Variants in RALYL observed in about 807,000 individuals in gnomAD.
The protein encoded by RALYL is RNA-binding Raly-like protein.
RALYL carries 29 observed loss-of-function variants against 35.1 expected under a neutral mutation model. That is an observed-to-expected ratio of 0.83 (90% CI 0.61 to 1.13). The LOEUF is 1.13. Ranked by LOEUF, RALYL falls within the 50% of genes most tolerant of loss-of-function variation. The pLI, the probability that RALYL is intolerant of heterozygous loss-of-function variation, is 0.00. For missense variants in RALYL, 359 were observed against 360.4 expected, an observed-to-expected ratio of 1.00 and a Z score of 0.03; for synonymous variants, 120 against 127.6, an observed-to-expected ratio of 0.94 and a Z score of 0.40.
intron 1 of RALYL, among the ~76,000 whole-genome samples, chr8:84,433,889 T>C (rs1437876171): frequency 6.6e-6 from 1 of 151,758 alleles, no homozygotes; most frequent in Non-Finnish European, 1.5e-5. Context: ...TTTGAAAATA[T>C]ATATATTCAA....
intron 4 of RALYL, among the ~76,000 whole-genome samples, chr8:84,833,997 C>T (rs1831455245): frequency 6.6e-6 from 1 of 152,010 alleles, no homozygotes; most frequent in Non-Finnish European, 1.5e-5. Flanking sequence ...AAAAGCTAGT[C>T]TCCACCATAA....
intron 1 of RALYL, among the ~76,000 whole-genome samples, chr8:84,445,910 TA>T (rs1460033609): frequency 6.6e-6 from 1 of 151,530 alleles, no homozygotes; most frequent in Non-Finnish European, 1.5e-5. Flanking sequence ...TCTACTTTTT[TA>T]AAAGGAGGCC....
rs1811099803 is a variant in RALYL at position 84,582,674 on chromosome 8, T to C, written c.256+53097T>C. 1.3e-5 allele frequency among the ~76,000 whole-genome samples: 2 copies of C among 152,036 alleles called. 1 individual carries two copies. Among genetic ancestry groups the C allele is most frequent in the South Asian group, 4.1e-4 (2 of 4,830 alleles). ...GAAAGTCTAGATGAAGCAAAGCTGT[T>C]AGAAAGCATCACTGAGCTAAGTTAG... is the stretch of plus-strand genomic sequence containing the variant. On this transcript the variant is annotated intron_variant, in intron 2 of 8. Coordinates refer to ENST00000521268, the MANE Select transcript of RALYL (RefSeq NM_173848.7).
At chr8:84,423,208 A>T (rs1378829447) in intron 1 of RALYL, among the ~76,000 whole-genome samples, 2 of 151,426 alleles carry the variant, frequency 1.3e-5, no homozygotes, top group Non-Finnish European at 2.9e-5. Context: ...GTCACTCAGG[A>T]CTTGCTTTAT....
At chr8:84,564,216 C>T (rs1410834389) in intron 2 of RALYL, among the ~76,000 whole-genome samples, 1 of 151,614 alleles carries the variant, frequency 6.6e-6, no homozygotes, top group Non-Finnish European at 1.5e-5. Context: ...CATAAGTTTC[C>T]TCCTGTAGGT....
At chr8:84,191,260 C>T (rs1813811758) in intron 1 of RALYL, among the ~76,000 whole-genome samples, 1 of 151,334 alleles carries the variant, frequency 6.6e-6, no homozygotes, top group Non-Finnish European at 1.5e-5. Context: ...GAAGTTTTTC[C>T]TGAAACTAGC....
At chr8:84,663,824 G>T (rs1013824337) in intron 2 of RALYL, among the ~76,000 whole-genome samples, 3 of 152,012 alleles carry the variant, frequency 2.0e-5, no homozygotes, top group African/African-American at 7.2e-5. Flanking sequence ...AGTTTAATTA[G>T]CTCCCATTTT....
intron 1 of RALYL, among the ~76,000 whole-genome samples, chr8:84,280,591 A>T (rs1257641986): frequency 6.6e-6 from 1 of 151,842 alleles, no homozygotes; most frequent in African/African-American, 2.4e-5. Context: ...CCACACACAG[A>T]GTACATCACC....
chr8:84,232,875 G>C (rs929656192), intron 1 of RALYL, among the ~76,000 whole-genome samples: 1 of 151,986 alleles, frequency 6.6e-6, no homozygotes, highest in African/African-American at 2.4e-5. Context: ...TAATAAAACA[G>C]CCATTAAAAG....
intron 1 of RALYL, among the ~76,000 whole-genome samples, chr8:84,340,593 G>A (rs1470627098): frequency 6.6e-6 from 1 of 152,040 alleles, no homozygotes; most frequent in Non-Finnish European, 1.5e-5. Context: ...GTTCATCCAT[G>A]TCATCACATT....
At chr8:84,325,359 C>T (rs1369042920) in intron 1 of RALYL, among the ~76,000 whole-genome samples, 1 of 152,150 alleles carries the variant, frequency 6.6e-6, no homozygotes, top group Non-Finnish European at 1.5e-5. Context: ...CTCCTAACAC[C>T]CTCTGCTATG....
intron 1 of RALYL, among the ~76,000 whole-genome samples, chr8:84,301,059 C>T (rs978956218): frequency 6.6e-6 from 1 of 151,958 alleles, no homozygotes; most frequent in Non-Finnish European, 1.5e-5. Flanking sequence ...TAAGGTACCT[C>T]TTATGAGGCA....
intron 2 of RALYL, among the ~76,000 whole-genome samples, chr8:84,623,715 G>C (rs1465479484): frequency 3.3e-5 from 5 of 152,010 alleles, no homozygotes; most frequent in African/African-American, 1.2e-4. Context: ...TGGTGAGGAG[G>C]GATGTTGGTA....
intron 2 of RALYL, among the ~76,000 whole-genome samples, chr8:84,614,526 T>C (rs1407025687): frequency 6.6e-6 from 1 of 151,722 alleles, no homozygotes; most frequent in Admixed American, 6.6e-5. Flanking sequence ...AGTAATAGGC[T>C]GTTTAACTTA....
At chr8:84,807,065 T>C (rs1166316289) in intron 4 of RALYL, among the ~76,000 whole-genome samples, 1 of 152,086 alleles carries the variant, frequency 6.6e-6, no homozygotes, top group Non-Finnish European at 1.5e-5. Flanking sequence ...TGAGAAGATG[T>C]AAGTTCTTTA....
chr8:84,818,823 A>G (rs928921180), intron 4 of RALYL, among the ~76,000 whole-genome samples: 3 of 152,220 alleles, frequency 2.0e-5, no homozygotes, highest in African/African-American at 7.2e-5. Flanking sequence ...AAAATGCCTG[A>G]TGAAATAGCA....
intron 4 of RALYL, among the ~76,000 whole-genome samples, chr8:84,831,181 A>G (rs1830843630): frequency 6.6e-6 from 1 of 152,162 alleles, no homozygotes; most frequent in Non-Finnish European, 1.5e-5. Flanking sequence ...TATATAATTC[A>G]TTGATTTTTC....
chr8:84,277,822 G>A (rs1282639939), intron 1 of RALYL, among the ~76,000 whole-genome samples: 1 of 152,238 alleles, frequency 6.6e-6, no homozygotes, highest in Non-Finnish European at 1.5e-5. Context: ...TGCAAGAGGT[G>A]CATTCCCACA....
At chr8:84,506,443 T>C (rs949334035) in intron 1 of RALYL, among the ~76,000 whole-genome samples, 12 of 152,044 alleles carry the variant, frequency 7.9e-5, no homozygotes, top group African/African-American at 2.9e-4. Flanking sequence ...TTCTGTAATA[T>C]AATTACTATG....
Sources: gnomAD v4.1 joint callset for allele counts (sites outside exome capture counted in the v4.1 genomes callset) on GRCh38, gnomAD v4.1.1 for gene constraint, MANE v1.5 for transcripts, NCBI Gene and HGNC (gene_info 2026-07-23, HGNC 2026-07-21) for gene names.